The following ATP6V1A variants were observed in gnomAD, a reference collection of about 807,000 sequenced individuals.
The protein encoded by ATP6V1A is ATPase H+ transporting V1 subunit A, also known as V-type proton ATPase catalytic subunit A.
A neutral mutation model predicts 70.1 loss-of-function variants in ATP6V1A; 18 were observed. The observed-to-expected ratio is 0.26, with a 90% CI of 0.18 to 0.38. ATP6V1A has a LOEUF of 0.38. Among genes scored for constraint, ATP6V1A ranks in the 10% least tolerant of loss-of-function variants. The probability of loss-of-function intolerance (pLI) is 1.00; values close to 1 mark genes in which losing one functional copy is unlikely to be tolerated. For synonymous variants in ATP6V1A, 232 were observed against 253.8 expected (o/e 0.91, Z 0.82); for missense variants, 424 against 772.4 (o/e 0.55, Z 5.35).
At chr3:113,770,704 A>G (rs957039326) in intron 1 of ATP6V1A, among the ~76,000 whole-genome samples, 1 of 151,992 alleles carries the variant, frequency 6.6e-6, no homozygotes, top group Non-Finnish European at 1.5e-5. Context: ...CAATAGCTGT[A>G]TATTGTCTTA....
At chr3:113,782,321 T>C (rs1437791543) in intron 3 of ATP6V1A, among the ~76,000 whole-genome samples, 1 of 151,940 alleles carries the variant, frequency 6.6e-6, no homozygotes, top group Middle Eastern at 3.2e-3. Flanking sequence ...ATCTTTTTCA[T>C]GGCTTGAAGA....
chr3:113,791,902 G>T (rs919822557), intron 8 of ATP6V1A, among the ~76,000 whole-genome samples: 21 of 146,328 alleles, frequency 1.4e-4, no homozygotes, highest in Non-Finnish European at 2.4e-4. Flanking sequence ...CAAGGCACTT[G>T]AAGATGTGCC....
chr3:113,791,777 A>G (rs954119211), intron 8 of ATP6V1A, among the ~76,000 whole-genome samples: 13 of 150,274 alleles, frequency 8.7e-5, no homozygotes, highest in Admixed American at 5.3e-4. Context: ...ATTCATCCCT[A>G]TCTTCCTGCT....
intron 1 of ATP6V1A, chr3:113,747,410 C>G (rs1708535410): frequency 6.6e-6 from 1 of 152,402 alleles, no homozygotes; most frequent in African/African-American, 2.4e-5. Context: ...TCAGCCATTT[C>G]ACAGGGTCTG....
At chr3:113,767,348 A>G (rs1479382535) in intron 1 of ATP6V1A, among the ~76,000 whole-genome samples, 2 of 152,096 alleles carry the variant, frequency 1.3e-5, no homozygotes, top group Non-Finnish European at 2.9e-5. Flanking sequence ...CAGCCTCTCA[A>G]AGTGCTCAGA....
intron 1 of ATP6V1A, among the ~76,000 whole-genome samples, chr3:113,772,659 C>G (rs1286096471): frequency 6.7e-6 from 1 of 149,146 alleles, no homozygotes; most frequent in Non-Finnish European, 1.5e-5. Context: ...ACCTGGGAGG[C>G]GGAGCTTGCA....
intron 12 of ATP6V1A, among the ~76,000 whole-genome samples, chr3:113,801,472 TG>T (rs1324970555): frequency 6.6e-6 from 1 of 152,150 alleles, no homozygotes; most frequent in African/African-American, 2.4e-5. Flanking sequence ...GAGGAGCTGG[TG>T]GGTGGATTGT....
chr3:113,782,859 C>G (rs1252846883), intron 3 of ATP6V1A, among the ~76,000 whole-genome samples: 2 of 151,564 alleles, frequency 1.3e-5, no homozygotes, highest in Admixed American at 1.3e-4. Context: ...CCTGACCTCA[C>G]GATCCACCTG....
At chr3:113,782,583 T>TAC (rs1424284312) in intron 3 of ATP6V1A, among the ~76,000 whole-genome samples, 15 of 146,170 alleles carry the variant, frequency 1.0e-4, no homozygotes, top group South Asian at 4.2e-4. Context: ...CGTATATATA[T>TAC]ACACATATAT....
intron 6 of ATP6V1A, 104 bp from the exon 7 acceptor site, chr3:113,788,609 G>A: frequency 9.4e-7 from 1 of 1,068,676 alleles, no homozygotes; most frequent in Non-Finnish European, 1.3e-6. Context: ...GCCCCCACAA[G>A]TGCTGCTGGG....
At chr3:113,768,556 A>T (rs1472940728) in intron 1 of ATP6V1A, among the ~76,000 whole-genome samples, 1 of 150,418 alleles carries the variant, frequency 6.6e-6, no homozygotes, top group Non-Finnish European at 1.5e-5. Flanking sequence ...AGATGACCAA[A>T]TCCCAAAGGA....
intron 1 of ATP6V1A, among the ~76,000 whole-genome samples, chr3:113,776,643 G>A (rs1306273927): frequency 1.3e-5 from 2 of 152,136 alleles, no homozygotes; most frequent in African/African-American, 2.4e-5. Flanking sequence ...CTTTAATTCT[G>A]TTAAAGTAGT....
chr3:113,798,179 G>A (rs1309415886), intron 11 of ATP6V1A, 64 bp from the exon 12 acceptor site: 11 of 1,550,126 alleles, frequency 7.1e-6, no homozygotes, highest in East Asian at 6.8e-5. Flanking sequence ...ACATGCTTCG[G>A]TATTTTTTAA....
At chr3:113,778,131 C>G (rs1708937145) in intron 1 of ATP6V1A, among the ~76,000 whole-genome samples, 1 of 152,110 alleles carries the variant, frequency 6.6e-6, no homozygotes, top group Non-Finnish European at 1.5e-5. Flanking sequence ...GGCTGGCTCA[C>G]GTCTGTAGTC....
At chr3:113,749,026 C>G (rs193174815) in intron 1 of ATP6V1A, among the ~76,000 whole-genome samples, 26 of 152,194 alleles carry the variant, frequency 1.7e-4, no homozygotes, top group Non-Finnish European at 3.2e-4. Context: ...TCCTGTCTGG[C>G]TGAGACCAAA....
chr3:113,778,880 AT>A, intron 2 of ATP6V1A, 45 bp downstream of exon 2: 1 of 1,255,306 alleles, frequency 8.0e-7, no homozygotes, highest in Non-Finnish European at 1.1e-6. Context: ...TCTAACTTTG[AT>A]TAATGTCTTT....
At chr3:113,781,813 A>G (rs942074776) in intron 3 of ATP6V1A, among the ~76,000 whole-genome samples, 2 of 152,202 alleles carry the variant, frequency 1.3e-5, no homozygotes, top group African/African-American at 2.4e-5. Context: ...CAGAATAACA[A>G]TATTGACTTG....
intron 1 of ATP6V1A, among the ~76,000 whole-genome samples, chr3:113,763,245 G>A (rs936678790): frequency 5.9e-5 from 9 of 152,014 alleles, no homozygotes; most frequent in African/African-American, 1.4e-4. Context: ...CTGCCATCAC[G>A]CCCAGCTAAT....
intron 4 of ATP6V1A, 125 bp from the exon 5 acceptor site, chr3:113,784,571 A>C (rs1210634291): frequency 7.1e-7 from 1 of 1,405,852 alleles, no homozygotes; most frequent in Admixed American, 2.2e-5. Flanking sequence ...TCTTAACTCT[A>C]CTTCATGGGA....
Sources: gnomAD v4.1 joint callset for allele counts (sites outside exome capture counted in the v4.1 genomes callset) on GRCh38, gnomAD v4.1.1 for gene constraint, MANE v1.5 for transcripts, NCBI Gene and HGNC (gene_info 2026-07-23, HGNC 2026-07-21) for gene names.